The following ADGRG6 variants were observed in gnomAD, a reference collection of about 807,000 sequenced individuals.
ADGRG6 encodes the protein adhesion G protein-coupled receptor G6.
Under a neutral mutation model 142.4 loss-of-function variants are expected in ADGRG6, and 84 were observed. That is an observed-to-expected ratio of 0.59 (90% CI 0.49 to 0.71). ADGRG6 has a LOEUF of 0.71. Among genes scored for constraint, ADGRG6 ranks in the 30% least tolerant of loss-of-function variants. The pLI, the probability that ADGRG6 is intolerant of heterozygous loss-of-function variation, is 0.00. For missense variants in ADGRG6, 1,367 were observed against 1,466.6 expected (o/e 0.93, Z 1.11); for synonymous variants, 521 against 520.5 (o/e 1.00, Z -0.01).
At chr6:142,326,832 T>C (rs1194448402) in intron 2 of ADGRG6, among the ~76,000 whole-genome samples, 1 of 152,072 alleles carries the variant, frequency 6.6e-6, no homozygotes, top group African/African-American at 2.4e-5. Flanking sequence ...ATTAGCTGGC[T>C]CTGAACCCTT....
At position 142,405,813 on chromosome 6, in the gene ADGRG6, A is replaced by C; in HGVS notation, c.2253A>C (p.Lys751Asn). The change falls in exon 15 of 25, where the codon AAA becomes AAC. Residue 751 changes from lysine (K) to asparagine (N), a missense_variant. Coordinates refer to ENST00000367609, the MANE Select transcript of ADGRG6 (RefSeq NM_198569.3). ...VRRAQFTFFN[K>N]TGLFQDVGPQ... ...GAGCACAGTTTACTTTCTTCAACAA[A>C]ACTGGACTTTTCCAGGTAAGCACAT... The C allele has an allele frequency of 6.2e-7, 1 of 1,600,432 alleles. No homozygotes were observed. Among genetic ancestry groups the C allele is most frequent in the Non-Finnish European group, 8.5e-7 (1 of 1,174,068 alleles).
chr6:142,375,105 A>G (rs1307197897), intron 4 of ADGRG6, among the ~76,000 whole-genome samples: 2 of 152,056 alleles, frequency 1.3e-5, no homozygotes, highest in Non-Finnish European at 2.9e-5. Context: ...CCACTCTTCT[A>G]TTCTTTGCTT....
intron 2 of ADGRG6, among the ~76,000 whole-genome samples, chr6:142,348,328 C>G (rs1780002895): frequency 6.6e-6 from 1 of 152,036 alleles, no homozygotes; most frequent in Non-Finnish European, 1.5e-5. Flanking sequence ...TTAGACTCAG[C>G]ATCAAATGTT....
chr6:142,334,822 G>A lies in ADGRG6; in HGVS notation c.103+25178G>A, dbSNP rs182851685. On this transcript the variant is annotated intron_variant, in intron 2 of 24. Transcript: ENST00000367609. ...TTTAATAAACAGAGGGCAGTACTTA[G>A]GCTTATGAAATAAGATGAACTGTGG... is the stretch of plus-strand genomic sequence containing the variant. 2.6e-3 allele frequency among the ~76,000 whole-genome samples: 393 copies of A among 152,254 alleles called. 3 individuals carry two copies. The highest frequency in any genetic ancestry group is 4.8e-3 in the Non-Finnish European group (324 of 68,020).
intron 2 of ADGRG6, among the ~76,000 whole-genome samples, chr6:142,366,652 G>A (rs1394170935): frequency 6.6e-6 from 1 of 151,958 alleles, no homozygotes; most frequent in African/African-American, 2.4e-5. Flanking sequence ...CTACTCGGGA[G>A]GCTGAGGCAC....
At chr6:142,313,879 C>G (rs9496333) in intron 2 of ADGRG6, among the ~76,000 whole-genome samples, 4,026 of 152,030 alleles carry the variant, frequency 0.026, 171 homozygotes, top group African/African-American at 0.089. Flanking sequence ...TTATGAATGT[C>G]CCCTTTTTAA....
chr6:142,417,680 C>T (rs1433554709), intron 21 of ADGRG6, among the ~76,000 whole-genome samples: 4 of 152,152 alleles, frequency 2.6e-5, no homozygotes, highest in Admixed American at 1.3e-4. Flanking sequence ...AACCCACCCA[C>T]GTCTTCAAGA....
At chr6:142,391,137 C>T (rs1261796768) in intron 7 of ADGRG6, among the ~76,000 whole-genome samples, 1 of 151,534 alleles carries the variant, frequency 6.6e-6, no homozygotes, top group Non-Finnish European at 1.5e-5. Context: ...ATTTTATTTT[C>T]TTCTTTTTCT....
At chr6:142,442,470 T>A (rs1488405045) in intron 24 of ADGRG6, among the ~76,000 whole-genome samples, 1 of 152,112 alleles carries the variant, frequency 6.6e-6, no homozygotes, top group Non-Finnish European at 1.5e-5. Context: ...AGAAAGCTTT[T>A]GTGTATAGGG....
intron 1 of ADGRG6, among the ~76,000 whole-genome samples, chr6:142,305,421 C>T (rs1247167241): frequency 2.2e-5 from 3 of 137,448 alleles, no homozygotes; most frequent in African/African-American, 9.0e-5. Context: ...CCCCACGAGC[C>T]CCTCCTGTAC....
chr6:142,404,061 G>A, intron 14 of ADGRG6, 88 bp downstream of exon 14: 1 of 974,220 alleles, frequency 1.0e-6, no homozygotes, highest in Non-Finnish European at 1.6e-6. Context: ...GCTTCCAAGA[G>A]GTCTTGGTCC....
At chr6:142,326,977 T>A (rs1174347121) in intron 2 of ADGRG6, among the ~76,000 whole-genome samples, 1 of 152,156 alleles carries the variant, frequency 6.6e-6, no homozygotes, top group Non-Finnish European at 1.5e-5. Flanking sequence ...AAACGTTTAG[T>A]ACATGATTTA....
At chr6:142,347,107 A>G (rs970215270) in intron 2 of ADGRG6, among the ~76,000 whole-genome samples, 1 of 152,194 alleles carries the variant, frequency 6.6e-6, no homozygotes, top group Non-Finnish European at 1.5e-5. Flanking sequence ...TTATATATGT[A>G]TGGATGTATA....
At chr6:142,358,736 C>G (rs1780573458) in intron 2 of ADGRG6, among the ~76,000 whole-genome samples, 1 of 152,044 alleles carries the variant, frequency 6.6e-6, no homozygotes, top group Non-Finnish European at 1.5e-5. Context: ...GAAATCCCGT[C>G]TCCACTAAAA....
chr6:142,402,134 G>A (rs558503844), intron 12 of ADGRG6, 76 bp downstream of exon 12: 27 of 717,556 alleles, frequency 3.8e-5, no homozygotes, highest in African/African-American at 3.4e-4. Context: ...CATTGTCTTC[G>A]AGAATATTCT....
chr6:142,430,297 G>C (rs1043317945), intron 22 of ADGRG6, among the ~76,000 whole-genome samples: 1 of 152,112 alleles, frequency 6.6e-6, no homozygotes, highest in Non-Finnish European at 1.5e-5. Flanking sequence ...GTGGCCTTTA[G>C]TTGTTGAAGA....
At chr6:142,363,411 CG>C (rs2114836509) in intron 2 of ADGRG6, among the ~76,000 whole-genome samples, 1 of 151,942 alleles carries the variant, frequency 6.6e-6, no homozygotes, top group South Asian at 2.1e-4. Flanking sequence ...TAGGCTTTGG[CG>C]TGACTGGAAG....
chr6:142,409,923 A>G lies in ADGRG6; in HGVS notation c.2434+4A>G. On this transcript the variant is annotated splice_donor_region_variant and intron_variant, in intron 17 of 24. Coordinates refer to ENST00000367609, the MANE Select transcript of ADGRG6 (RefSeq NM_198569.3). ...TTCTGGGATCTGAACAAAAACAGTA[A>G]GTTTTAAAATATTGGTTGTCTTAAT... is the stretch of plus-strand genomic sequence containing the variant. 7.2e-7 allele frequency: 1 copy of G among 1,394,324 alleles called. No homozygotes were observed. The highest frequency in any genetic ancestry group is 1.0e-6 in the Non-Finnish European group (1 of 998,096). 86.4% of individuals were successfully genotyped at this position (1,394,324 alleles called of 1,614,324 possible).
chr6:142,404,949 C>G (rs1159127183), intron 14 of ADGRG6, among the ~76,000 whole-genome samples: 1 of 152,140 alleles, frequency 6.6e-6, no homozygotes, highest in Non-Finnish European at 1.5e-5. Context: ...TACTACATGC[C>G]AGGCACTATT....
Sources: allele counts gnomAD v4.1 joint callset (sites outside exome capture counted in the v4.1 genomes callset), GRCh38; gene constraint gnomAD v4.1.1; transcripts MANE v1.5; gene names NCBI Gene and HGNC (gene_info 2026-07-23, HGNC 2026-07-21).